KCNIP4: variants seen among roughly 807,000 people sequenced by gnomAD.
The protein encoded by KCNIP4 is Kv channel-interacting protein 4.
A neutral mutation model predicts 34.0 loss-of-function variants in KCNIP4; 12 were observed. That is an observed-to-expected ratio of 0.35 (90% CI 0.23 to 0.57). The LOEUF (loss-of-function observed/expected upper bound fraction) is 0.57. Among genes scored for constraint, KCNIP4 ranks in the 20% least tolerant of loss-of-function variants. KCNIP4 has a pLI of 0.83. For synonymous variants in KCNIP4, 124 were observed against 102.2 expected, an observed-to-expected ratio of 1.21 and a Z score of -1.29; for missense variants, 238 against 311.7, an observed-to-expected ratio of 0.76 and a Z score of 1.78.
chr4:21,928,127 T>TATATATATACAC (rs141651426), intron 1 of KCNIP4, among the ~76,000 whole-genome samples: 91 of 143,968 alleles, frequency 6.3e-4, no homozygotes, highest in East Asian at 3.6e-3. Flanking sequence ...TATATATATA[T>TATATATATACAC]ACACACACAC....
At chr4:20,882,989 C>T (rs1338114678) in intron 1 of KCNIP4, among the ~76,000 whole-genome samples, 3 of 145,524 alleles carry the variant, frequency 2.1e-5, no homozygotes, top group African/African-American at 7.7e-5. Context: ...TTAAAAAAAG[C>T]CACCAAAAAA....
At chr4:21,819,118 A>G (rs949578997) in intron 1 of KCNIP4, among the ~76,000 whole-genome samples, 2 of 152,176 alleles carry the variant, frequency 1.3e-5, no homozygotes, top group African/African-American at 2.4e-5. Flanking sequence ...AAATTTTTTT[A>G]AAAACAGCAT....
chr4:20,867,639 A>G (rs894106892), intron 2 of KCNIP4, among the ~76,000 whole-genome samples: 8 of 152,142 alleles, frequency 5.3e-5, no homozygotes, highest in Non-Finnish European at 1.2e-4. Flanking sequence ...CTAAGTTCCC[A>G]AAAACAATTG....
intron 1 of KCNIP4, among the ~76,000 whole-genome samples, chr4:21,785,652 CT>C (rs1311731106): frequency 6.6e-6 from 1 of 150,924 alleles, no homozygotes; most frequent in African/African-American, 2.5e-5. Context: ...ATCCCCAATC[CT>C]CCCTTTACCC....
intron 1 of KCNIP4, among the ~76,000 whole-genome samples, chr4:21,399,695 C>T (rs538298952): frequency 1.1e-3 from 166 of 150,374 alleles, no homozygotes; most frequent in Non-Finnish European, 2.0e-3. Flanking sequence ...CTCACACTGT[C>T]GAACAGGCTG....
intron 1 of KCNIP4, among the ~76,000 whole-genome samples, chr4:20,966,133 G>C (rs527726655): frequency 4.4e-4 from 67 of 152,310 alleles, no homozygotes; most frequent in Admixed American, 2.0e-4. Context: ...TGGGAAGATA[G>C]ATGTAGGATT....
At chr4:21,258,986 G>T (rs1761269960) in intron 1 of KCNIP4, among the ~76,000 whole-genome samples, 1 of 152,128 alleles carries the variant, frequency 6.6e-6, no homozygotes, top group African/African-American at 2.4e-5. Context: ...CTGGGATGCT[G>T]GATGTGGATG....
chr4:21,067,058 G>C (rs989434261), intron 1 of KCNIP4, among the ~76,000 whole-genome samples: 4 of 152,162 alleles, frequency 2.6e-5, no homozygotes, highest in African/African-American at 9.7e-5. Context: ...TTGGATACCA[G>C]CTCAGCCACA....
intron 1 of KCNIP4, among the ~76,000 whole-genome samples, chr4:21,414,518 A>G (rs778877527): frequency 1.3e-5 from 2 of 152,214 alleles, no homozygotes; most frequent in Admixed American, 1.3e-4. Context: ...TATGATAAAC[A>G]TTATGGAAGA....
chr4:21,787,661 C>T (rs1226106753), intron 1 of KCNIP4, among the ~76,000 whole-genome samples: 1 of 152,202 alleles, frequency 6.6e-6, no homozygotes, highest in South Asian at 2.1e-4. Flanking sequence ...AGTCACTGAT[C>T]TTCTCACTGA....
intron 1 of KCNIP4, among the ~76,000 whole-genome samples, chr4:21,035,356 T>C (rs1255311400): frequency 6.6e-6 from 1 of 152,184 alleles, no homozygotes; most frequent in Non-Finnish European, 1.5e-5. Flanking sequence ...AATGAAAAAG[T>C]AGAGTGGTTG....
intron 1 of KCNIP4, among the ~76,000 whole-genome samples, chr4:21,080,412 A>C (rs1411502386): frequency 6.6e-6 from 1 of 151,926 alleles, no homozygotes; most frequent in East Asian, 1.9e-4. Flanking sequence ...TCAAACGCCA[A>C]TTCTTCTATT....
intron 1 of KCNIP4, among the ~76,000 whole-genome samples, chr4:21,569,827 G>C (rs1474321768): frequency 6.6e-6 from 1 of 152,054 alleles, no homozygotes; most frequent in African/African-American, 2.4e-5. Context: ...AATCTGAAAG[G>C]AGAAGCTCCC....
At chr4:21,147,716 A>C (rs1752459435) in intron 1 of KCNIP4, among the ~76,000 whole-genome samples, 1 of 151,956 alleles carries the variant, frequency 6.6e-6, no homozygotes, top group Non-Finnish European at 1.5e-5. Flanking sequence ...AGGTGGGTGG[A>C]TCTCTTTAGG....
At chr4:20,980,296 A>G (rs1022943972) in intron 1 of KCNIP4, among the ~76,000 whole-genome samples, 24 of 152,226 alleles carry the variant, frequency 1.6e-4, no homozygotes, top group African/African-American at 5.8e-4. Flanking sequence ...AGAATTCAAT[A>G]TGACAAGATT....
chr4:21,548,275 T>C (rs1738296688), intron 1 of KCNIP4, among the ~76,000 whole-genome samples: 1 of 152,220 alleles, frequency 6.6e-6, no homozygotes, highest in East Asian at 1.9e-4. Context: ...ATTCAACTTG[T>C]AGTACATTTA....
chr4:21,354,883 A>G (rs1026414867), intron 1 of KCNIP4, among the ~76,000 whole-genome samples: 1 of 152,174 alleles, frequency 6.6e-6, no homozygotes, highest in African/African-American at 2.4e-5. Context: ...TCCAAAATTG[A>G]CCACATAGTT....
At chr4:21,356,112 AT>A (rs1718566830) in intron 1 of KCNIP4, among the ~76,000 whole-genome samples, 1 of 152,166 alleles carries the variant, frequency 6.6e-6, no homozygotes, top group Non-Finnish European at 1.5e-5. Context: ...CTTCGACAAA[AT>A]TCAACAGCCC....
chr4:21,807,792 G>A (rs776094047), intron 1 of KCNIP4, among the ~76,000 whole-genome samples: 14 of 152,134 alleles, frequency 9.2e-5, no homozygotes, highest in Non-Finnish European at 1.3e-4. Flanking sequence ...GCATCCATGA[G>A]TTACTGAAAT....
Sources: gnomAD v4.1 joint callset for allele counts (sites outside exome capture counted in the v4.1 genomes callset) on GRCh38, gnomAD v4.1.1 for gene constraint, MANE v1.5 for transcripts, NCBI Gene and HGNC (gene_info 2026-07-23, HGNC 2026-07-21) for gene names.